GNA12: variants seen among roughly 807,000 people sequenced by gnomAD.
The protein encoded by GNA12 is guanine nucleotide-binding protein subunit alpha-12.
Under a neutral mutation model 26.0 loss-of-function variants are expected in GNA12, and 9 were observed. That is an observed-to-expected ratio of 0.35 (90% confidence interval 0.21 to 0.60). GNA12 has a LOEUF of 0.60. GNA12 is among the 20% of genes least tolerant of loss of function. The pLI is 0.78. For synonymous variants in GNA12, 264 were observed against 219.6 expected, an observed-to-expected ratio of 1.20 and a Z score of -1.79; for missense variants, 405 against 525.8, an observed-to-expected ratio of 0.77 and a Z score of 2.25.
At chr7:2,740,370 C>A (rs143511799) in intron 2 of GNA12, among the ~76,000 whole-genome samples, 2 of 152,032 alleles carry the variant, frequency 1.3e-5, no homozygotes, top group Admixed American at 6.5e-5. Context: ...AAGAAGAGAC[C>A]GGAGAGCTCT....
At position 2,766,437 on chromosome 7, in the gene GNA12, G is replaced by A. The variant is rs1201054033; in HGVS notation, c.525+28491C>T. Among the ~76,000 whole-genome samples, 2 of 149,144 alleles carry A rather than the reference G, an allele frequency of 1.3e-5. 1 individual carries two copies. The highest frequency in any genetic ancestry group is 1.4e-4 in the Admixed American group (2 of 14,782). ...AGTCTTGCTCTGTCGCCAGGCTGGA[G>A]TGCAGTGGTGCCATCTTGGCTCACT... On this transcript the variant is annotated intron_variant, in intron 2 of 3. Coordinates refer to ENST00000275364, the MANE Select transcript of GNA12 (RefSeq NM_007353.3).
intron 1 of GNA12, among the ~76,000 whole-genome samples, chr7:2,803,798 C>A (rs997496): frequency 0.58 from 85,847 of 147,632 alleles, 25,052 homozygotes; most frequent in Admixed American, 0.63. Context: ...AAGTCCAAAA[C>A]AAAACAAAAC....
At chr7:2,808,368 T>C (rs1033214930) in intron 1 of GNA12, among the ~76,000 whole-genome samples, 3 of 152,202 alleles carry the variant, frequency 2.0e-5, no homozygotes, top group Admixed American at 6.5e-5. Context: ...TTCTGCACCT[T>C]CTGCAGATCA....
intron 1 of GNA12, among the ~76,000 whole-genome samples, chr7:2,812,233 C>T (rs1793098390): frequency 6.6e-6 from 1 of 152,240 alleles, no homozygotes; most frequent in African/African-American, 2.4e-5. Flanking sequence ...TGCTTTTCTT[C>T]AGAATTATGG....
chr7:2,843,939 T>C lies in GNA12; in HGVS notation c.223A>G (p.Lys75Glu). 1 of 1,592,202 alleles carries C rather than the reference T, an allele frequency of 6.3e-7. No individual in the cohort carries two copies. Among genetic ancestry groups the C allele is most frequent in the Non-Finnish European group, 8.5e-7 (1 of 1,171,252 alleles). Reference protein sequence around the residue: ...AGESGKSTFLKQMRIIHGREF... With the variant: ...AGESGKSTFLEQMRIIHGREF... ...CGGCCGTGGATGATGCGCATCTGCT[T>C]GAGGAACGTGGACTTGCCGCTCTCG... is the stretch of plus-strand genomic sequence containing the variant. The change falls in exon 1 of 4, where the codon AAG becomes GAG. Residue 75 changes from lysine to glutamate, a missense_variant. By Grantham distance (56) the Lys-to-Glu change is moderately conservative. Transcript: ENST00000275364.
At chr7:2,825,196 C>T (rs1002228183) in intron 1 of GNA12, among the ~76,000 whole-genome samples, 7 of 152,276 alleles carry the variant, frequency 4.6e-5, no homozygotes, top group African/African-American at 1.7e-4. Flanking sequence ...GGGGGAAGCC[C>T]GAGAAACAAG....
chr7:2,801,157 A>G (rs1792799963), intron 1 of GNA12, among the ~76,000 whole-genome samples: 1 of 152,046 alleles, frequency 6.6e-6, no homozygotes, highest in South Asian at 2.1e-4. Flanking sequence ...TGCCCTCCCA[A>G]TCAAGTCACC....
intron 1 of GNA12, among the ~76,000 whole-genome samples, chr7:2,837,301 T>C (rs1178020532): frequency 6.6e-6 from 1 of 152,202 alleles, no homozygotes; most frequent in Non-Finnish European, 1.5e-5. Context: ...GGGGAGCTGA[T>C]GTTCCAACCC....
intron 3 of GNA12, among the ~76,000 whole-genome samples, chr7:2,732,794 T>C (rs1341269150): frequency 6.6e-6 from 1 of 152,072 alleles, no homozygotes; most frequent in Non-Finnish European, 1.5e-5. Context: ...GTTACTCCAA[T>C]AAACAAGTTG....
chr7:2,774,127 G>C (rs1445084754), intron 2 of GNA12, among the ~76,000 whole-genome samples: 4 of 152,258 alleles, frequency 2.6e-5, no homozygotes, highest in African/African-American at 7.2e-5. Flanking sequence ...GTGGTGTGAA[G>C]ATGAAAGGGG....
chr7:2,837,559 A>G (rs1483704161), intron 1 of GNA12, among the ~76,000 whole-genome samples: 1 of 152,228 alleles, frequency 6.6e-6, no homozygotes, highest in Non-Finnish European at 1.5e-5. Flanking sequence ...ACTTCTGAAA[A>G]CTAAACATAA....
chr7:2,833,162 T>C (rs952151805), intron 1 of GNA12, among the ~76,000 whole-genome samples: 1 of 152,172 alleles, frequency 6.6e-6, no homozygotes, highest in Non-Finnish European at 1.5e-5. Flanking sequence ...TTCTTTTAAG[T>C]ACAAACAAAC....
chr7:2,828,382 C>T (rs1426333166), intron 1 of GNA12, among the ~76,000 whole-genome samples: 1 of 152,202 alleles, frequency 6.6e-6, no homozygotes, highest in African/African-American at 2.4e-5. Context: ...CAGGGTCTCA[C>T]TCTGTCAACA....
Position 2,787,608 on chromosome 7 carries a change from G to C in GNA12, c.525+7320C>G, listed in dbSNP as rs532484849. Among the ~76,000 whole-genome samples the C allele has an allele frequency of 3.3e-5, 5 of 152,358 alleles. No homozygotes were observed. In the East Asian group the frequency reaches 9.6e-4, roughly 29 times the overall value. On this transcript the variant is annotated intron_variant, in intron 2 of 3. Transcript: ENST00000275364. Reference sequence around the variant, plus strand: ...CCACTCTGGGAAGCTACGTTGGTGAGAGCTAAAGCCAAGACACAGAGGCTT... The same window carrying C: ...CCACTCTGGGAAGCTACGTTGGTGACAGCTAAAGCCAAGACACAGAGGCTT...
At chr7:2,841,156 TTTTTC>T (rs1166535221) in intron 1 of GNA12, among the ~76,000 whole-genome samples, 1 of 152,188 alleles carries the variant, frequency 6.6e-6, no homozygotes, top group Non-Finnish European at 1.5e-5. Flanking sequence ...TCTTTTTTTC[TTTTTC>T]TTTTTTTTGA....
At chr7:2,823,136 T>C (rs894869328) in intron 1 of GNA12, among the ~76,000 whole-genome samples, 2 of 152,198 alleles carry the variant, frequency 1.3e-5, no homozygotes, top group Non-Finnish European at 1.5e-5. Context: ...CGAGGCATCA[T>C]CTATGGCAGG....
At chr7:2,791,846 T>C (rs1195711824) in intron 2 of GNA12, among the ~76,000 whole-genome samples, 2 of 152,152 alleles carry the variant, frequency 1.3e-5, no homozygotes, top group Non-Finnish European at 2.9e-5. Context: ...GCTATTTTAA[T>C]AAAATGCTCC....
intron 2 of GNA12, among the ~76,000 whole-genome samples, chr7:2,760,954 C>T (rs1791526310): frequency 6.6e-6 from 1 of 152,226 alleles, no homozygotes; most frequent in Non-Finnish European, 1.5e-5. Flanking sequence ...TCCCCCTGTC[C>T]TTCCCACAGT....
At chr7:2,774,167 C>T (rs1380893881) in intron 2 of GNA12, among the ~76,000 whole-genome samples, 3 of 152,098 alleles carry the variant, frequency 2.0e-5, no homozygotes, top group Non-Finnish European at 4.4e-5. Flanking sequence ...GTTTCCTGAG[C>T]TGGCGGCAGG....
Sources: allele counts gnomAD v4.1 joint callset (sites outside exome capture counted in the v4.1 genomes callset), GRCh38; gene constraint gnomAD v4.1.1; transcripts MANE v1.5; gene names NCBI Gene and HGNC (gene_info 2026-07-23, HGNC 2026-07-21).